Variants in PRKDC observed in about 807,000 individuals in gnomAD.
PRKDC encodes the protein protein kinase, DNA-activated, catalytic subunit.
In PRKDC, 82 loss-of-function variants were observed where a neutral mutation model predicts 486.9. The ratio of observed to expected loss-of-function variants is 0.17; its 90% confidence interval spans 0.14 to 0.20. The LOEUF is 0.20. Among genes scored for constraint, PRKDC ranks in the 10% least tolerant of loss-of-function variants. PRKDC has a pLI of 1.00. For missense variants in PRKDC, 4,504 were observed against 5,038.2 expected (o/e 0.89, Z 3.21); for synonymous variants, 1,895 against 1,837.0 (o/e 1.03, Z -0.81).
chr8:47,822,469 T>C (rs993029089), intron 64 of PRKDC, among the ~76,000 whole-genome samples: 9 of 152,038 alleles, frequency 5.9e-5, no homozygotes, highest in Non-Finnish European at 1.0e-4. Context: ...TACAGGACAT[T>C]TGTAGAAAAT....
chr8:47,928,154 CTTTTTTTT>C (rs375267637), intron 19 of PRKDC, among the ~76,000 whole-genome samples: 2 of 130,998 alleles, frequency 1.5e-5, no homozygotes, highest in African/African-American at 2.8e-5. Flanking sequence ...GCTTGAGGGA[CTTTTTTTT>C]TTTTTTTTTT....
rs768412906 is a variant in PRKDC, at chr8:47,798,413, A to G, written c.10298-16T>C. ...GAATCAATAACTATCAAGGACACCA[A>G]AGAAGAAAGCAATGGTCAATGTATC... On this transcript the variant is annotated splice_polypyrimidine_tract_variant and intron_variant, in intron 72 of 85. Transcript: ENST00000314191. 4 of 1,564,524 alleles carry G rather than the reference A, an allele frequency of 2.6e-6. No homozygotes were observed. The African/African-American group carries it at 4.1e-5, about 16-fold the overall frequency.
At position 47,918,390 on chromosome 8, in the gene PRKDC, A is replaced by G. The variant is rs1311626304; in HGVS notation, c.2420-7T>C. On this transcript the variant is annotated splice_polypyrimidine_tract_variant and splice_region_variant and intron_variant, in intron 21 of 85. Transcript: ENST00000314191. Reference sequence around the variant, plus strand: ...CAGTTATTCTTGGTCTCATCTATCAATAGTAAACGAAAATAAATTTAAAAT... The same window carrying G: ...CAGTTATTCTTGGTCTCATCTATCAGTAGTAAACGAAAATAAATTTAAAAT... 1 of 1,500,992 alleles carries G rather than the reference A, an allele frequency of 6.7e-7. No homozygotes were observed. The highest frequency in any genetic ancestry group is 9.0e-7 in the Non-Finnish European group (1 of 1,115,362). The allele number at this position is 1,500,992 out of a possible 1,614,324, so 93.0% of individuals were successfully genotyped here.
At chr8:47,888,868 TA>T in intron 33 of PRKDC, 145 bp downstream of exon 33, 1 of 1,064,934 alleles carries the variant, frequency 9.4e-7, no homozygotes, top group Non-Finnish European at 1.3e-6. Context: ...ATGTGTTTTC[TA>T]AACAACTATT....
chr8:47,877,184 T>C (rs953849968), intron 40 of PRKDC, among the ~76,000 whole-genome samples: 12 of 152,146 alleles, frequency 7.9e-5, no homozygotes, highest in Non-Finnish European at 1.6e-4. Context: ...AAATAAATAA[T>C]AGAGGAGACT....
chr8:47,807,798 C>T (rs1012812676), intron 68 of PRKDC, among the ~76,000 whole-genome samples: 1 of 151,948 alleles, frequency 6.6e-6, no homozygotes, highest in Non-Finnish European at 1.5e-5. Context: ...TTACTGCAAC[C>T]TCCACCTTCT....
chr8:47,934,077 T>C lies in PRKDC; in HGVS notation c.1511A>G (p.Glu504Gly). The C allele has an allele frequency of 3.1e-6, 5 of 1,613,422 alleles. No homozygotes were observed. Among genetic ancestry groups the C allele is most frequent in the Non-Finnish European group, 4.2e-6 (5 of 1,179,638 alleles). ...PVVLPKGPES[E>G]SEDHRASGEV... ...CCCTGAAGCACGGTGGTCTTCAGATTCAGACTCAGGGCCCTGGCCAGAAAG... is the reference window on the plus strand; with the variant it reads ...CCCTGAAGCACGGTGGTCTTCAGATCCAGACTCAGGGCCCTGGCCAGAAAG... Residue 504 changes from glutamate to glycine, a missense_variant, in exon 15 of 86, where the codon GAA becomes GGA. Around this residue, in one of 6 missense-constraint regions of PRKDC, gnomAD observed 1,969 missense variants for 2,068.9 expected, o/e 0.95. Transcript: ENST00000314191.
At position 47,821,018 on chromosome 8, in the gene PRKDC, A is replaced by G. The variant is rs548734312; in HGVS notation, c.9112-75T>C. ...TGTCTAATTATTTTATTTCTATTAT[A>G]TTCTTTGCTATACTTTCACAGGTCA... On this transcript the variant is annotated intron_variant, in intron 65 of 85. Coordinates refer to ENST00000314191, the MANE Select transcript of PRKDC (RefSeq NM_006904.7). The G allele has an allele frequency of 5.4e-6, 5 of 924,868 alleles. No homozygotes were observed. The African/African-American group carries it at 8.3e-5, about 15-fold the overall frequency. The allele number at this position is 924,868 out of a possible 1,614,324, so 57.3% of individuals were successfully genotyped here.
At chr8:47,919,154 G>A (rs2090034701) in intron 21 of PRKDC, among the ~76,000 whole-genome samples, 1 of 152,084 alleles carries the variant, frequency 6.6e-6, no homozygotes. Context: ...TCACTCCTCA[G>A]CACCACTCCG....
intron 17 of PRKDC, 45 bp downstream of exon 17, chr8:47,930,627 T>G: frequency 6.6e-7 from 1 of 1,505,792 alleles, no homozygotes; most frequent in Non-Finnish European, 9.0e-7. Context: ...AGCCAATAAC[T>G]AACAATCATT....
chr8:47,824,413 C>A (rs556169232), intron 63 of PRKDC, among the ~76,000 whole-genome samples: 14 of 131,850 alleles, frequency 1.1e-4, no homozygotes, highest in African/African-American at 3.7e-4. Context: ...GTGGAGGTTG[C>A]AGTGAACCAA....
At chr8:47,914,343 A>C (rs2089955153) in intron 23 of PRKDC, among the ~76,000 whole-genome samples, 1 of 152,216 alleles carries the variant, frequency 6.6e-6, no homozygotes, top group South Asian at 2.1e-4. Context: ...TTTGTAGAAG[A>C]AAGTCAATGA....
chr8:47,936,624 T>G, intron 11 of PRKDC, 107 bp from the exon 12 acceptor site: 1 of 1,334,848 alleles, frequency 7.5e-7, no homozygotes, highest in Non-Finnish European at 1.0e-6. Flanking sequence ...TTAACAAGGC[T>G]TCTTTTTTTT....
intron 48 of PRKDC, 129 bp downstream of exon 48, chr8:47,858,387 C>A: frequency 1.2e-6 from 1 of 861,034 alleles, no homozygotes; most frequent in Non-Finnish European, 1.7e-6. Context: ...ATGCTCTGCC[C>A]CTTTATATTT....
In PRKDC at chr8:47,840,067, G is replaced by A; in HGVS notation, c.7403C>T (p.Thr2468Ile). 1 of 1,562,154 alleles carries A rather than the reference G, an allele frequency of 6.4e-7. No homozygotes were observed. Among genetic ancestry groups the A allele is most frequent in the Non-Finnish European group, 8.7e-7 (1 of 1,151,204 alleles). The part of the protein sequence containing the change: ...VVEFVSHPST[T>I]CREQMYNILM... ...AATATTATACATTTGTTCCCTACAT[G>A]TTGTAGAAGGATGGGAAACGAATTC... Residue 2468 changes from threonine to isoleucine, a missense_variant, in exon 55 of 86, where the codon ACA (threonine) becomes ATA (isoleucine). Coordinates refer to ENST00000314191, the MANE Select transcript of PRKDC (RefSeq NM_006904.7).
At chr8:47,882,736 C>T (rs1182077494) in intron 36 of PRKDC, among the ~76,000 whole-genome samples, 1 of 152,260 alleles carries the variant, frequency 6.6e-6, no homozygotes, top group African/African-American at 2.4e-5. Flanking sequence ...GATTAACATG[C>T]ACTATTCCTG....
chr8:47,825,311 G>A lies in PRKDC; in HGVS notation c.8784-1315C>T, dbSNP rs1373988345. Among the ~76,000 whole-genome samples the A allele has an allele frequency of 3.3e-5, 5 of 151,874 alleles. No homozygotes were observed. In the East Asian group the frequency reaches 5.8e-4, roughly 18 times the overall value. ...AGCACTTTGGGAGGCCGGGGCGGGCGGATCCTGGCTAACACGGTGAAACCC... is the reference window on the plus strand; with the variant it reads ...AGCACTTTGGGAGGCCGGGGCGGGCAGATCCTGGCTAACACGGTGAAACCC... On this transcript the variant is annotated intron_variant, in intron 63 of 85. Transcript: ENST00000314191.
At chr8:47,958,187 G>A (rs900266320) in intron 1 of PRKDC, among the ~76,000 whole-genome samples, 7 of 152,104 alleles carry the variant, frequency 4.6e-5, no homozygotes, top group Admixed American at 3.9e-4. Flanking sequence ...CCTCTAGTTA[G>A]GGGGACTTGA....
intron 74 of PRKDC, among the ~76,000 whole-genome samples, chr8:47,793,019 G>A (rs1238588115): frequency 6.6e-6 from 1 of 152,148 alleles, no homozygotes; most frequent in Non-Finnish European, 1.5e-5. Context: ...GTAGTTGGAA[G>A]TACAGTCACG....
Sources: gnomAD v4.1 joint callset for allele counts (sites outside exome capture counted in the v4.1 genomes callset) on GRCh38, gnomAD v4.1.1 for gene constraint, gnomAD v4.1.1 regional missense constraint, MANE v1.5 for transcripts, NCBI Gene and HGNC (gene_info 2026-07-23, HGNC 2026-07-21) for gene names.